The following CORO1C variants were observed in gnomAD, a reference collection of about 807,000 sequenced individuals.
CORO1C encodes the protein coronin-1C.
A neutral mutation model predicts 51.2 loss-of-function variants in CORO1C; 14 were observed. The ratio of observed to expected loss-of-function variants is 0.27; its 90% CI spans 0.18 to 0.43. The LOEUF is 0.43. CORO1C is among the 20% of genes least tolerant of loss of function. The pLI is 1.00. For missense variants in CORO1C, 417 were observed against 607.8 expected, an observed-to-expected ratio of 0.69 and a Z score of 3.30; for synonymous variants, 181 against 210.5, an observed-to-expected ratio of 0.86 and a Z score of 1.21.
chr12:108,712,258 C>A (rs1256832644), intron 1 of CORO1C, among the ~76,000 whole-genome samples: 1 of 151,980 alleles, frequency 6.6e-6, no homozygotes, highest in Non-Finnish European at 1.5e-5. Flanking sequence ...AATGACAATG[C>A]CAACAGTAAA....
At chr12:108,678,983 C>T (rs779324217) in intron 2 of CORO1C, among the ~76,000 whole-genome samples, 83 of 150,824 alleles carry the variant, frequency 5.5e-4, no homozygotes, top group South Asian at 1.5e-3. Context: ...TGGTGGTGTG[C>T]GCCTGTAGTC....
chr12:108,665,180 G>C (rs2033425635), intron 3 of CORO1C, among the ~76,000 whole-genome samples: 2 of 152,156 alleles, frequency 1.3e-5, no homozygotes, highest in African/African-American at 4.8e-5. Flanking sequence ...GCTCATAATG[G>C]GGACTTAACC....
chr12:108,680,500 T>C (rs775501569), intron 2 of CORO1C, among the ~76,000 whole-genome samples: 1 of 152,222 alleles, frequency 6.6e-6, no homozygotes, highest in Non-Finnish European at 1.5e-5. Context: ...GAAGTATAAA[T>C]GGTTGAGAAC....
At chr12:108,660,972 C>T (rs1244343690) in intron 4 of CORO1C, among the ~76,000 whole-genome samples, 3 of 152,142 alleles carry the variant, frequency 2.0e-5, no homozygotes, top group African/African-American at 7.2e-5. Flanking sequence ...GCCCCTCCTC[C>T]TTTTTACTGG....
intron 1 of CORO1C, among the ~76,000 whole-genome samples, chr12:108,724,812 G>A (rs2035549719): frequency 6.6e-6 from 1 of 152,092 alleles, no homozygotes; most frequent in Non-Finnish European, 1.5e-5. Context: ...CTCTCACTCT[G>A]ACCTTTGCAT....
intron 1 of CORO1C, among the ~76,000 whole-genome samples, chr12:108,707,957 A>G (rs919956610): frequency 6.6e-6 from 1 of 152,226 alleles, no homozygotes; most frequent in African/African-American, 2.4e-5. Context: ...TAGGATGGCT[A>G]AAATAAAAAA....
intron 2 of CORO1C, among the ~76,000 whole-genome samples, chr12:108,691,504 G>A (rs2034493498): frequency 6.6e-6 from 1 of 152,150 alleles, no homozygotes; most frequent in Non-Finnish European, 1.5e-5. Flanking sequence ...GCTTCTGCTG[G>A]CAGCAATTGT....
intron 1 of CORO1C, among the ~76,000 whole-genome samples, chr12:108,706,053 G>C (rs765871173): frequency 6.6e-6 from 1 of 151,976 alleles, no homozygotes; most frequent in African/African-American, 2.4e-5. Context: ...CAGGCATGGT[G>C]GTGGGCACCT....
chr12:108,657,295 A>G lies in CORO1C; in HGVS notation c.750+9T>C, dbSNP rs769625321. 5 of 1,612,426 alleles carry G rather than the reference A, an allele frequency of 3.1e-6. No individual in the cohort carries two copies. The South Asian group carries it at 5.5e-5, about 18-fold the overall frequency. ...GTGAAAGCAAGTGGAAAGCCTGGGG[A>G]GGGCGTACCGGATTCCAGAGAGCCA... On this transcript the variant is annotated intron_variant, in intron 6 of 10. Coordinates refer to ENST00000261401, the MANE Select transcript of CORO1C (RefSeq NM_014325.4).
intron 2 of CORO1C, among the ~76,000 whole-genome samples, chr12:108,681,802 CA>C (rs1402834197): frequency 6.6e-6 from 1 of 151,874 alleles, no homozygotes; most frequent in East Asian, 1.9e-4. Context: ...AAAGGTATAG[CA>C]AAACAACAGT....
At chr12:108,696,024 AAC>A (rs1229408779) in intron 2 of CORO1C, among the ~76,000 whole-genome samples, 1 of 152,178 alleles carries the variant, frequency 6.6e-6, no homozygotes, top group Non-Finnish European at 1.5e-5. Flanking sequence ...AAATGGGAGA[AAC>A]ACAGTTGTGT....
At chr12:108,702,983 T>C in intron 1 of CORO1C, 1 of 1,495,322 alleles carries the variant, frequency 6.7e-7, no homozygotes, top group Non-Finnish European at 8.9e-7. Flanking sequence ...GGCAAATGAT[T>C]CGTGGCCAGG....
At chr12:108,729,015 T>C (rs932139763) in intron 1 of CORO1C, among the ~76,000 whole-genome samples, 3 of 152,154 alleles carry the variant, frequency 2.0e-5, no homozygotes, top group Non-Finnish European at 4.4e-5. Context: ...CAATTAATAA[T>C]ATGTTTCTAA....
intron 6 of CORO1C, among the ~76,000 whole-genome samples, chr12:108,655,436 G>A (rs2032909868): frequency 6.9e-6 from 1 of 144,264 alleles, no homozygotes; most frequent in Non-Finnish European, 1.5e-5. Context: ...CTGATGCCGA[G>A]CCGAAGCTGG....
intron 1 of CORO1C, among the ~76,000 whole-genome samples, chr12:108,713,397 T>TATTA (rs1565936545): frequency 6.6e-6 from 1 of 152,244 alleles, no homozygotes; most frequent in East Asian, 1.9e-4. Flanking sequence ...AATTCACATG[T>TATTA]ATTACATAGC....
intron 6 of CORO1C, 143 bp from the exon 7 acceptor site, chr12:108,654,553 A>G (rs1363856807): frequency 2.0e-6 from 1 of 512,708 alleles, no homozygotes; most frequent in Non-Finnish European, 3.5e-6. Flanking sequence ...CTATGCACAT[A>G]CAATACTCAT....
At chr12:108,687,354 G>A (rs1006817459) in intron 2 of CORO1C, among the ~76,000 whole-genome samples, 1 of 152,114 alleles carries the variant, frequency 6.6e-6, no homozygotes, top group Admixed American at 6.6e-5. Flanking sequence ...AGGTGTAGTG[G>A]TGCGCACCTG....
chr12:108,686,063 T>C (rs547839283), intron 2 of CORO1C, among the ~76,000 whole-genome samples: 5 of 152,346 alleles, frequency 3.3e-5, no homozygotes, highest in South Asian at 4.1e-4. Context: ...CTCCAGTTCA[T>C]GGAGATTAAA....
Position 108,708,737 on chromosome 12 carries a change from C to T in CORO1C, c.-5-7414G>A, listed in dbSNP as rs553644915. ...TTGGCCTCCCAAAGTGCTGGGATTACGGGCGTGAGCCACCGTGCTCGGTCT... is the reference window on the plus strand; with the variant it reads ...TTGGCCTCCCAAAGTGCTGGGATTATGGGCGTGAGCCACCGTGCTCGGTCT... On this transcript the variant is annotated intron_variant, in intron 1 of 10. Transcript: ENST00000261401. 2.6e-5 allele frequency among the ~76,000 whole-genome samples: 4 copies of T among 152,224 alleles called. No homozygotes were observed. In the East Asian group the frequency reaches 5.8e-4, roughly 22 times the overall value.
Sources: gnomAD v4.1 joint callset for allele counts (sites outside exome capture counted in the v4.1 genomes callset) on GRCh38, gnomAD v4.1.1 for gene constraint, MANE v1.5 for transcripts, NCBI Gene and HGNC (gene_info 2026-07-23, HGNC 2026-07-21) for gene names.